The following PRICKLE2 variants were observed in gnomAD, a reference collection of about 807,000 sequenced individuals.
PRICKLE2 encodes the protein prickle-like protein 2.
PRICKLE2 carries 21 observed loss-of-function variants against 81.4 expected under a neutral mutation model. That is an observed-to-expected ratio of 0.26 (90% CI 0.18 to 0.37). PRICKLE2 has a LOEUF of 0.37. Among genes scored for constraint, PRICKLE2 ranks in the 10% least tolerant of loss-of-function variants. The probability of loss-of-function intolerance (pLI) is 1.00; values close to 1 mark genes in which losing one functional copy is unlikely to be tolerated. For synonymous variants in PRICKLE2, 456 were observed against 421.5 expected (o/e 1.08, Z -1.00); for missense variants, 940 against 1,109.0 (o/e 0.85, Z 2.16).
intron 1 of PRICKLE2, chr3:64,200,879 T>G (rs936673777): frequency 6.6e-6 from 1 of 152,120 alleles, no homozygotes; most frequent in Non-Finnish European, 1.5e-5. Context: ...CCTCCCAAAG[T>G]GCTGGGATTA....
upstream of PRICKLE2, among the ~76,000 whole-genome samples, chr3:64,227,404 C>A (rs2079045774): frequency 6.6e-6 from 1 of 152,260 alleles, no homozygotes; most frequent in Non-Finnish European, 1.5e-5. Context: ...ACTTTCCATG[C>A]CTCAGTTTCT....
intron 2 of PRICKLE2, among the ~76,000 whole-genome samples, chr3:64,190,623 A>C (rs1447440411): frequency 1.3e-5 from 2 of 152,196 alleles, no homozygotes; most frequent in African/African-American, 4.8e-5. Context: ...CTTTTCACCC[A>C]ATTTTCTAGC....
chr3:64,198,112 T>G (rs920016509), intron 2 of PRICKLE2, among the ~76,000 whole-genome samples: 1 of 151,898 alleles, frequency 6.6e-6, no homozygotes, highest in Admixed American at 6.6e-5. Flanking sequence ...CTCGGGAGGC[T>G]AAGGCAGGAG....
intron 2 of PRICKLE2, among the ~76,000 whole-genome samples, chr3:64,189,367 T>G (rs2078292263): frequency 6.6e-6 from 1 of 152,150 alleles, no homozygotes. Context: ...TCCCTAAGAA[T>G]GAAAGAGACT....
At chr3:64,184,046 C>T (rs1338453933) in intron 2 of PRICKLE2, among the ~76,000 whole-genome samples, 5 of 152,174 alleles carry the variant, frequency 3.3e-5, no homozygotes, top group African/African-American at 1.2e-4. Flanking sequence ...TCTGTTCTGT[C>T]TTGTTTTGCT....
upstream of PRICKLE2, among the ~76,000 whole-genome samples, chr3:64,229,416 AGTTT>A (rs2079070867): frequency 6.6e-6 from 1 of 152,144 alleles, no homozygotes; most frequent in Non-Finnish European, 1.5e-5. Context: ...GCAATGAACA[AGTTT>A]TAAATCTCTG....
At chr3:64,161,088 C>T (rs1360001546) in intron 3 of PRICKLE2, among the ~76,000 whole-genome samples, 1 of 151,536 alleles carries the variant, frequency 6.6e-6, no homozygotes, top group Non-Finnish European at 1.5e-5. Context: ...ATCCCTGACG[C>T]TCCTACTTAA....
rs764829579 is a variant in PRICKLE2, at chr3:64,147,750, C to G, written c.788-48G>C. The G allele has an allele frequency of 5.6e-6, 9 of 1,605,728 alleles. No individual in the cohort carries two copies. Among genetic ancestry groups the G allele is most frequent in the Non-Finnish European group, 7.7e-6 (9 of 1,173,648 alleles). On this transcript the variant is annotated intron_variant, in intron 6 of 7. Coordinates refer to ENST00000638394, the MANE Select transcript of PRICKLE2 (RefSeq NM_198859.4). This position sits in a 1 kb window ranked among gnomAD's most constrained non-coding sequence, Gnocchi z 5.0. ...AGAGGCTGATGAGCTGCTCAGAGCTCTGCACTGGGACGTGAAACACATAGC... is the reference window on the plus strand; with the variant it reads ...AGAGGCTGATGAGCTGCTCAGAGCTGTGCACTGGGACGTGAAACACATAGC...
intron 2 of PRICKLE2, among the ~76,000 whole-genome samples, chr3:64,239,561 C>T (rs916716105): frequency 7.9e-5 from 12 of 152,066 alleles, no homozygotes; most frequent in African/African-American, 2.9e-4. Context: ...TTGGGACTCT[C>T]TAAGATAATT....
intron 2 of PRICKLE2, among the ~76,000 whole-genome samples, chr3:64,259,120 C>G (rs1247579646): frequency 6.6e-6 from 1 of 152,128 alleles, no homozygotes; most frequent in Non-Finnish European, 1.5e-5. Flanking sequence ...CTGGAACCCA[C>G]AGTATGCTAA....
At chr3:64,134,927 C>A (rs1345659877) in intron 7 of PRICKLE2, among the ~76,000 whole-genome samples, 4 of 152,186 alleles carry the variant, frequency 2.6e-5, no homozygotes, top group Admixed American at 6.5e-5. Flanking sequence ...AAAATTGGCA[C>A]CTTTGATTTC....
Position 64,147,483 on chromosome 3 carries a change from C to T in PRICKLE2, c.1007G>A (p.Arg336His), listed in dbSNP as rs147289291. 5.0e-5 allele frequency: 80 copies of T among 1,614,252 alleles called. No individual in the cohort carries two copies. Among genetic ancestry groups the T allele is most frequent in the South Asian group, 4.9e-4 (45 of 91,086 alleles). The change falls in exon 7 of 8, where the codon CGC becomes CAC. Residue 336 changes from arginine to histidine, a missense_variant. Transcript: ENST00000638394. This position sits in a 1 kb window ranked among gnomAD's most constrained non-coding sequence, Gnocchi z 5.0. ...FQNARAKESR[R>H]SAKIGKNKGK... The stretch of plus-strand genomic sequence containing the variant: ...CTTGTTCTTGCCAATTTTGGCACTG[C>T]GCCGGGACTCCTTGGCCCTGGCGTT...
chr3:64,256,635 C>T (rs749189459), intron 2 of PRICKLE2, among the ~76,000 whole-genome samples: 4 of 152,186 alleles, frequency 2.6e-5, no homozygotes, highest in Non-Finnish European at 5.9e-5. Flanking sequence ...AGTTACTCAA[C>T]TATTTATTCA....
At chr3:64,240,531 G>C (rs2079248481) in intron 2 of PRICKLE2, among the ~76,000 whole-genome samples, 1 of 152,174 alleles carries the variant, frequency 6.6e-6, no homozygotes, top group Admixed American at 6.5e-5. Flanking sequence ...TAAAGTCCCT[G>C]TGTGGGCTAT....
chr3:64,243,935 T>C (rs2079307703), intron 2 of PRICKLE2, among the ~76,000 whole-genome samples: 1 of 152,204 alleles, frequency 6.6e-6, no homozygotes, highest in Non-Finnish European at 1.5e-5. Context: ...TAGTATGTTA[T>C]TTCTGTACTA....
At chr3:64,144,576 T>A (rs2077414636) in intron 7 of PRICKLE2, among the ~76,000 whole-genome samples, 1 of 152,238 alleles carries the variant, frequency 6.6e-6, no homozygotes, top group South Asian at 2.1e-4. Flanking sequence ...GGCTATGGAA[T>A]CCTTGCTGTA....
In PRICKLE2 at chr3:64,099,567, A is replaced by G; in HGVS notation, c.2019T>C (p.Ala673=). The G allele has an allele frequency of 6.2e-7, 1 of 1,612,420 alleles. No homozygotes were observed. Among genetic ancestry groups the G allele is most frequent in the Non-Finnish European group, 8.5e-7 (1 of 1,178,804 alleles). Residue 673 remains alanine, a synonymous_variant, in exon 8 of 8, where the codon GCT becomes GCC. Transcript: ENST00000638394. This position sits in a 1 kb window ranked among gnomAD's most constrained non-coding sequence, Gnocchi z 4.3. ...AACGGCGGTTGTCGTCGCGTGAAGT[A>G]GCTCTTCTCCGGGTGCGTTCACTCA... ...QPMSERTRRR[A]TSRDDNRRFR...
At chr3:64,253,466 C>T (rs1205324593) in intron 2 of PRICKLE2, among the ~76,000 whole-genome samples, 1 of 152,216 alleles carries the variant, frequency 6.6e-6, no homozygotes, top group African/African-American at 2.4e-5. Flanking sequence ...AAGAAGTTCA[C>T]ATGAGAAACC....
intron 7 of PRICKLE2, among the ~76,000 whole-genome samples, chr3:64,118,394 A>G (rs1559519238): frequency 1.3e-5 from 2 of 152,092 alleles, no homozygotes; most frequent in Non-Finnish European, 2.9e-5. Context: ...GAAACTATCA[A>G]TGGAGTAAAC....
Sources: gnomAD v4.1 joint callset for allele counts (sites outside exome capture counted in the v4.1 genomes callset) on GRCh38, gnomAD v4.1.1 for gene constraint, Gnocchi (gnomAD v3.1) non-coding constraint, MANE v1.5 for transcripts, NCBI Gene and HGNC (gene_info 2026-07-23, HGNC 2026-07-21) for gene names.